LARGE1: variants seen among roughly 807,000 people sequenced by gnomAD.
LARGE1 encodes the protein LARGE xylosyl- and glucuronyltransferase 1.
LARGE1 carries 43 observed loss-of-function variants against 87.6 expected under a neutral mutation model. The ratio of observed to expected loss-of-function variants is 0.49; its 90% confidence interval spans 0.38 to 0.63. The LOEUF (loss-of-function observed/expected upper bound fraction) is 0.63. Among genes scored for constraint, LARGE1 ranks in the 30% least tolerant of loss-of-function variants. The pLI is 0.00. For missense variants in LARGE1, 802 were observed against 1,000.2 expected (o/e 0.80, Z 2.67); for synonymous variants, 434 against 394.6 (o/e 1.10, Z -1.18).
chr22:33,486,868 C>G (rs1441088512), intron 6 of LARGE1, among the ~76,000 whole-genome samples: 1 of 152,178 alleles, frequency 6.6e-6, no homozygotes, highest in African/African-American at 2.4e-5. Context: ...CCTCAGAAAT[C>G]TGAGGCTGAA....
chr22:33,843,245 C>G (rs1376246716), intron 1 of LARGE1, among the ~76,000 whole-genome samples: 1 of 151,958 alleles, frequency 6.6e-6, no homozygotes, highest in Non-Finnish European at 1.5e-5. Flanking sequence ...TATGTCCCTT[C>G]CAGACTGGAA....
intron 11 of LARGE1, among the ~76,000 whole-genome samples, chr22:33,192,469 C>T (rs1923835377): frequency 6.6e-6 from 1 of 151,918 alleles, no homozygotes; most frequent in Admixed American, 6.6e-5. Flanking sequence ...TGTGTGTCTT[C>T]GTTTGAGAAA....
the LARGE1 span, among the ~76,000 whole-genome samples, chr22:33,128,405 T>G: frequency 6.6e-6 from 1 of 152,212 alleles, no homozygotes; most frequent in Non-Finnish European, 1.5e-5. Flanking sequence ...CCAGATGCAG[T>G]GGCTCATGCC....
At chr22:33,199,856 T>C (rs201763082) in intron 11 of LARGE1, among the ~76,000 whole-genome samples, 13 of 127,484 alleles carry the variant, frequency 1.0e-4, no homozygotes, top group South Asian at 2.3e-4. Context: ...TTTTTTTTTT[T>C]TCTTTTTTTT....
intron 11 of LARGE1, among the ~76,000 whole-genome samples, chr22:33,245,865 C>T (rs1452463762): frequency 6.6e-6 from 1 of 152,080 alleles, no homozygotes; most frequent in Non-Finnish European, 1.5e-5. Flanking sequence ...GCTGAGATTG[C>T]GCCACTGCAC....
intron 1 of LARGE1, among the ~76,000 whole-genome samples, chr22:33,772,423 T>C (rs1601581313): frequency 1.3e-5 from 2 of 152,174 alleles, no homozygotes; most frequent in East Asian, 3.9e-4. Flanking sequence ...GACCTCGATC[T>C]CTCCGACCTT....
At chr22:33,854,984 G>A (rs910520735) in intron 1 of LARGE1, among the ~76,000 whole-genome samples, 2 of 152,192 alleles carry the variant, frequency 1.3e-5, no homozygotes, top group African/African-American at 4.8e-5. Flanking sequence ...AGCAGAGAGA[G>A]AGAGCACTTT....
At chr22:33,758,108 G>A (rs552468926) in intron 2 of LARGE1, among the ~76,000 whole-genome samples, 1 of 152,280 alleles carries the variant, frequency 6.6e-6, no homozygotes, top group East Asian at 1.9e-4. Flanking sequence ...CTCATTATGA[G>A]GAGCTTGACA....
At chr22:33,438,951 C>A (rs1298662405) in intron 6 of LARGE1, among the ~76,000 whole-genome samples, 1 of 152,120 alleles carries the variant, frequency 6.6e-6, no homozygotes, top group Admixed American at 6.5e-5. Flanking sequence ...TGGCTCACAC[C>A]TGTAATCCCA....
At chr22:33,765,707 CAAAA>C (rs33943950) in intron 1 of LARGE1, among the ~76,000 whole-genome samples, 3 of 69,902 alleles carry the variant, frequency 4.3e-5, no homozygotes, top group Admixed American at 2.0e-4. Context: ...CTCCATCTCA[CAAAA>C]AAAAAAAAAA....
chr22:33,109,450 T>C, the LARGE1 span, among the ~76,000 whole-genome samples: 1 of 152,160 alleles, frequency 6.6e-6, no homozygotes, highest in Non-Finnish European at 1.5e-5. Flanking sequence ...CTCAGCCTCC[T>C]GACTAGCTGG....
chr22:33,251,773 T>C (rs759879694), intron 11 of LARGE1, among the ~76,000 whole-genome samples: 2 of 152,204 alleles, frequency 1.3e-5, no homozygotes, highest in Admixed American at 6.5e-5. Flanking sequence ...TGCACAGTCT[T>C]TCAGCTCAGT....
rs3072285 is a variant in LARGE1, at chr22:33,656,058, AGTGTGT to A, written c.107-5396_107-5391del. On this transcript the variant is annotated intron_variant, in intron 2 of 14. Coordinates refer to ENST00000397394, the MANE Select transcript of LARGE1 (RefSeq NM_133642.5). ...TGAGGGACATGGGAGCATAAGCATG[AGTGTGT>A]GTGTGTGTGTGTGTGTGTGTACACA... 2.3e-3 allele frequency among the ~76,000 whole-genome samples: 351 copies of A among 150,468 alleles called. 1 individual carries two copies. The highest frequency in any genetic ancestry group is 3.5e-3 in the Non-Finnish European group (239 of 67,466).
chr22:33,872,577 T>C (rs1366644950), intron 1 of LARGE1, among the ~76,000 whole-genome samples: 1 of 151,664 alleles, frequency 6.6e-6, no homozygotes, highest in African/African-American at 2.4e-5. Context: ...TGAACCTGAG[T>C]TTCTACAGCT....
intron 2 of LARGE1, among the ~76,000 whole-genome samples, chr22:33,666,008 A>C (rs2081258050): frequency 6.6e-6 from 1 of 151,906 alleles, no homozygotes; most frequent in Non-Finnish European, 1.5e-5. Flanking sequence ...AATTGACTCC[A>C]AAAAAAACCT....
At chr22:33,103,077 G>A in the LARGE1 span, among the ~76,000 whole-genome samples, 1 of 151,874 alleles carries the variant, frequency 6.6e-6, no homozygotes, top group Non-Finnish European at 1.5e-5. Context: ...CCTTGGGCCT[G>A]TGAACATGAT....
intron 11 of LARGE1, chr22:33,221,719 C>T (rs1925465727): frequency 6.6e-6 from 1 of 152,254 alleles, no homozygotes; most frequent in Admixed American, 6.5e-5. Flanking sequence ...CCATTCCCGC[C>T]TCTACTTCCT....
At chr22:33,909,748 C>G (rs2065573547) in intron 1 of LARGE1, among the ~76,000 whole-genome samples, 1 of 152,086 alleles carries the variant, frequency 6.6e-6, no homozygotes, top group Admixed American at 6.5e-5. Flanking sequence ...CCGCGTTAGT[C>G]AAGATGGTCT....
At chr22:33,088,726 A>C in the LARGE1 span, among the ~76,000 whole-genome samples, 4 of 152,208 alleles carry the variant, frequency 2.6e-5, no homozygotes, top group Admixed American at 1.3e-4. Flanking sequence ...TTAATAGTTA[A>C]GAGTACAGGC....
Sources: allele counts gnomAD v4.1 joint callset (sites outside exome capture counted in the v4.1 genomes callset), GRCh38; gene constraint gnomAD v4.1.1; transcripts MANE v1.5; gene names NCBI Gene and HGNC (gene_info 2026-07-23, HGNC 2026-07-21).